Variants in VPS45 observed in about 807,000 individuals in gnomAD.
VPS45 encodes vacuolar protein sorting-associated protein 45.
Under a neutral mutation model 75.9 loss-of-function variants are expected in VPS45, and 35 were observed. The ratio of observed to expected loss-of-function variants is 0.46; its 90% confidence interval spans 0.35 to 0.61. The LOEUF is 0.61. Ranked by LOEUF, VPS45 falls within the 20% of genes least tolerant of loss-of-function variation. The pLI, the probability that VPS45 is intolerant of heterozygous loss-of-function variation, is 0.00. For missense variants in VPS45, 559 were observed against 685.9 expected, an observed-to-expected ratio of 0.81 and a Z score of 2.07; for synonymous variants, 220 against 238.2, an observed-to-expected ratio of 0.92 and a Z score of 0.70.
At chr1:150,073,770 A>G (rs1399925509) in intron 3 of VPS45, among the ~76,000 whole-genome samples, 1 of 152,126 alleles carries the variant, frequency 6.6e-6, no homozygotes, top group East Asian at 1.9e-4. Flanking sequence ...TACAGTCAGG[A>G]TACACAACAT....
At chr1:150,128,291 G>T (rs1658621485) in intron 14 of VPS45, among the ~76,000 whole-genome samples, 1 of 114,746 alleles carries the variant, frequency 8.7e-6, no homozygotes, top group Non-Finnish European at 1.8e-5. Context: ...AACAGAATGG[G>T]ACCCTTGTCT....
At chr1:150,122,724 C>T (rs1658301058) in intron 14 of VPS45, among the ~76,000 whole-genome samples, 1 of 151,810 alleles carries the variant, frequency 6.6e-6, no homozygotes, top group Non-Finnish European at 1.5e-5. Flanking sequence ...ATTGGCTGGG[C>T]GTGGTGGCTC....
chr1:150,071,757 C>T (rs1229497567), intron 2 of VPS45, among the ~76,000 whole-genome samples: 1 of 144,908 alleles, frequency 6.9e-6, no homozygotes, highest in African/African-American at 2.6e-5. Context: ...CATTGCACTC[C>T]AGCCTGGGCA....
chr1:150,121,245 A>G (rs1658216218), intron 14 of VPS45, among the ~76,000 whole-genome samples: 1 of 152,194 alleles, frequency 6.6e-6, no homozygotes. Context: ...GAAGTTTAAC[A>G]TGAATTTTGT....
chr1:150,117,212 A>AAAG (rs1553808555), intron 14 of VPS45, among the ~76,000 whole-genome samples: 5 of 150,322 alleles, frequency 3.3e-5, no homozygotes, highest in Non-Finnish European at 7.4e-5. Flanking sequence ...AAAAATAATA[A>AAAG]AATAATAATA....
chr1:150,068,342 A>T (rs1654842383), intron 1 of VPS45: 1 of 370,638 alleles, frequency 2.7e-6, no homozygotes, highest in Non-Finnish European at 4.8e-6. Context: ...AGACCAGAAA[A>T]CAAAACTCTT....
intron 7 of VPS45, among the ~76,000 whole-genome samples, chr1:150,079,819 A>G (rs1655598176): frequency 6.6e-6 from 1 of 152,258 alleles, no homozygotes; most frequent in African/African-American, 2.4e-5. Context: ...TCTCTGTAGT[A>G]TAAAATAGCC....
At chr1:150,097,907 T>C (rs1324239134) in intron 13 of VPS45, among the ~76,000 whole-genome samples, 4 of 152,144 alleles carry the variant, frequency 2.6e-5, no homozygotes, top group Non-Finnish European at 4.4e-5. Context: ...GACTGGAGAG[T>C]GGTGGCGTGA....
At chr1:150,090,849 A>G (rs1413366542) in intron 10 of VPS45, among the ~76,000 whole-genome samples, 1 of 152,222 alleles carries the variant, frequency 6.6e-6, no homozygotes, top group Non-Finnish European at 1.5e-5. Flanking sequence ...ATATATTTGC[A>G]TCCTTTTTAT....
At chr1:150,120,275 GTA>G (rs1318385620) in intron 14 of VPS45, among the ~76,000 whole-genome samples, 1 of 152,078 alleles carries the variant, frequency 6.6e-6, no homozygotes, top group Non-Finnish European at 1.5e-5. Context: ...TACCCGTCAG[GTA>G]GCAATTTTAG....
intron 13 of VPS45, among the ~76,000 whole-genome samples, chr1:150,099,963 TC>T (rs1323128155): frequency 1.3e-5 from 2 of 152,274 alleles, no homozygotes; most frequent in African/African-American, 4.8e-5. Context: ...CCACTTCTAT[TC>T]AACAGAGTAT....
chr1:150,140,420 T>C (rs990750947), intron 14 of VPS45, among the ~76,000 whole-genome samples: 1 of 151,084 alleles, frequency 6.6e-6, no homozygotes, highest in East Asian at 1.9e-4. Context: ...TGTGTGTGTG[T>C]GTGTGTGTAT....
At chr1:150,091,808 T>C in intron 10 of VPS45, 129 bp from the exon 11 acceptor site, 2 of 764,252 alleles carry the variant, frequency 2.6e-6, no homozygotes, top group Non-Finnish European at 2.0e-6. Context: ...AGACAGTTGC[T>C]AAATGTATGA....
chr1:150,098,932 C>G lies in VPS45; in HGVS notation c.1493+5284C>G, dbSNP rs587735571. 7 of 1,215,296 alleles carry G rather than the reference C, an allele frequency of 5.8e-6. No individual in the cohort carries two copies. In the East Asian group the frequency reaches 4.5e-4, roughly 78 times the overall value. 75.3% of individuals were successfully genotyped at this position (1,215,296 alleles called of 1,614,324 possible). On this transcript the variant is annotated intron_variant, in intron 13 of 14. Coordinates refer to ENST00000644510, the MANE Select transcript of VPS45 (RefSeq NM_007259.5). ...GCTATATGATCATGCATTCCAGAAT[C>G]AGTCAATTCAAAAAGGAAGTACTTT...
At chr1:150,075,209 G>A (rs1261087560) in intron 3 of VPS45, among the ~76,000 whole-genome samples, 1 of 142,018 alleles carries the variant, frequency 7.0e-6, no homozygotes, top group African/African-American at 2.6e-5. Context: ...GCTGTTGGTT[G>A]ATATGTTAAG....
At chr1:150,122,762 G>A (rs1553809911) in intron 14 of VPS45, among the ~76,000 whole-genome samples, 3 of 151,968 alleles carry the variant, frequency 2.0e-5, no homozygotes, top group Non-Finnish European at 2.9e-5. Flanking sequence ...ACTTTGGGAG[G>A]CTGAGGCGGG....
At position 150,131,414 on chromosome 1, in the gene VPS45, A is replaced by G. The variant is rs998093107; in HGVS notation, c.1626-13295A>G. Among the ~76,000 whole-genome samples the G allele has an allele frequency of 2.6e-5, 4 of 152,186 alleles. No homozygotes were observed. The East Asian group carries it at 7.7e-4, about 29-fold the overall frequency. The stretch of plus-strand genomic sequence containing the variant: ...ATCCAGATACTCAGGAGGCTGAGGC[A>G]GGAGAATCATCGCTTGAACTTGGGA... On this transcript the variant is annotated intron_variant, in intron 14 of 14. Transcript: ENST00000644510.
chr1:150,117,555 A>T (rs1438843410), intron 14 of VPS45, among the ~76,000 whole-genome samples: 10 of 147,802 alleles, frequency 6.8e-5, no homozygotes, highest in East Asian at 6.1e-4. Flanking sequence ...AAGTAAAAAT[A>T]AAAAATTAAA....
chr1:150,093,890 A>C (rs1424568085), intron 13 of VPS45, among the ~76,000 whole-genome samples: 2 of 152,240 alleles, frequency 1.3e-5, no homozygotes, highest in African/African-American at 2.4e-5. Context: ...TCTGTATTTC[A>C]GTATCAGACC....
Sources: allele counts gnomAD v4.1 joint callset (sites outside exome capture counted in the v4.1 genomes callset), GRCh38; gene constraint gnomAD v4.1.1; transcripts MANE v1.5; gene names NCBI Gene and HGNC (gene_info 2026-07-23, HGNC 2026-07-21).